Variants in KLF12 observed in about 807,000 individuals in gnomAD.
KLF12 encodes Krueppel-like factor 12.
Under a neutral mutation model 37.8 loss-of-function variants are expected in KLF12, and 9 were observed. The observed-to-expected ratio is 0.24, with a 90% confidence interval of 0.14 to 0.42. The LOEUF (loss-of-function observed/expected upper bound fraction) is 0.42. Ranked by LOEUF, KLF12 falls within the 10% of genes least tolerant of loss-of-function variation. The pLI is 1.00. For missense variants in KLF12, 411 were observed against 516.0 expected, an observed-to-expected ratio of 0.80 and a Z score of 1.97; for synonymous variants, 208 against 202.1, an observed-to-expected ratio of 1.03 and a Z score of -0.25.
chr13:73,952,496 C>T (rs1474181307), intron 2 of KLF12, among the ~76,000 whole-genome samples: 1 of 152,188 alleles, frequency 6.6e-6, no homozygotes, highest in African/African-American at 2.4e-5. Context: ...CCAATCACCT[C>T]CCATCAGGCC....
chr13:74,246,118 T>C, the KLF12 span, among the ~76,000 whole-genome samples: 1 of 152,156 alleles, frequency 6.6e-6, no homozygotes, highest in Non-Finnish European at 1.5e-5. Flanking sequence ...TCAACATCAT[T>C]CCTAGAACTC....
chr13:73,980,371 A>C (rs1891659910), intron 2 of KLF12, among the ~76,000 whole-genome samples: 1 of 152,210 alleles, frequency 6.6e-6, no homozygotes, highest in African/African-American at 2.4e-5. Context: ...CATAGCTACC[A>C]AAACCCAGTC....
At chr13:73,710,468 C>A (rs763340558) in intron 7 of KLF12, among the ~76,000 whole-genome samples, 9 of 151,724 alleles carry the variant, frequency 5.9e-5, no homozygotes, top group Non-Finnish European at 1.2e-4. Flanking sequence ...AGTTTACTGG[C>A]GCCATTTTCC....
intron 3 of KLF12, among the ~76,000 whole-genome samples, chr13:73,904,294 T>C (rs1392604769): frequency 6.6e-6 from 1 of 152,192 alleles, no homozygotes; most frequent in African/African-American, 2.4e-5. Flanking sequence ...TTCTGGGATG[T>C]ATAGGTTGAT....
rs750839981 is a variant in KLF12, at chr13:73,715,482, G to A, written c.913C>T (p.Arg305Trp). ...TTTCTGGAGTCTGGGGATTCAGACC[G>A]TCTCTGGCGTCTTGTGCTCTCAATA... The change falls in exon 7 of 8, where the codon CGG (arginine) becomes TGG (tryptophan). Residue 305 changes from arginine (R) to tryptophan (W), a missense_variant. Coordinates refer to ENST00000377669, the MANE Select transcript of KLF12 (RefSeq NM_007249.5). The A allele has an allele frequency of 8.1e-6, 13 of 1,613,898 alleles. No individual in the cohort carries two copies. Among genetic ancestry groups the A allele is most frequent in the Middle Eastern group, 1.6e-4 (1 of 6,082 alleles).
In KLF12 at chr13:73,758,480, G is replaced by A. The variant is rs577401441; in HGVS notation, c.869+6458C>T. 1.5e-4 allele frequency among the ~76,000 whole-genome samples: 23 copies of A among 152,174 alleles called. 1 individual carries two copies. The South Asian group carries it at 3.3e-3, about 22-fold the overall frequency. On this transcript the variant is annotated intron_variant, in intron 6 of 7. Transcript: ENST00000377669. Reference sequence around the variant, plus strand: ...TCATGCTGTAATTAGTTAGTATGACGGAGATGTTTTATTACATGATAGCAC... The same window carrying A: ...TCATGCTGTAATTAGTTAGTATGACAGAGATGTTTTATTACATGATAGCAC...
the KLF12 span, among the ~76,000 whole-genome samples, chr13:74,219,373 A>G: frequency 6.6e-6 from 1 of 152,236 alleles, no homozygotes. Context: ...CCATGTGAGT[A>G]TAAAAGACCT....
At chr13:73,947,676 C>T (rs1421139992) in intron 2 of KLF12, among the ~76,000 whole-genome samples, 1 of 138,358 alleles carries the variant, frequency 7.2e-6, no homozygotes, top group African/African-American at 2.7e-5. Context: ...AAAGAGTTGG[C>T]AACACAGTAG....
chr13:74,087,302 T>A lies in KLF12; in HGVS notation c.-32+46437A>T, dbSNP rs111695191. On this transcript the variant is annotated intron_variant, in intron 1 of 7. Coordinates refer to ENST00000377669, the MANE Select transcript of KLF12 (RefSeq NM_007249.5). ...GACACAGGTCCTCTGTCAGAAGTTA[T>A]ATAGGTCAGAGACAAGACAGAAGGG... Among the ~76,000 whole-genome samples the A allele has an allele frequency of 4.0e-3, 602 of 152,178 alleles. 7 individuals carry two copies. The highest frequency in any genetic ancestry group is 0.014 in the African/African-American group (585 of 41,498).
intron 3 of KLF12, among the ~76,000 whole-genome samples, chr13:73,915,544 G>A (rs184640889): frequency 6.6e-6 from 1 of 150,924 alleles, no homozygotes; most frequent in Non-Finnish European, 1.5e-5. Context: ...ATGGAGTCTC[G>A]CTCTGTCGCC....
rs561437265 is a variant in KLF12, at chr13:74,041,983, A to G, written c.-31-46930T>C. Among the ~76,000 whole-genome samples, 4 of 152,316 alleles carry G rather than the reference A, an allele frequency of 2.6e-5. No individual in the cohort carries two copies. In the East Asian group the frequency reaches 5.8e-4, roughly 22 times the overall value. ...TTGCTATTAACATTTTCTGTAATGT[A>G]TAGTTTAGTCATAACTTCAGTATGA... On this transcript the variant is annotated intron_variant, in intron 1 of 7. Transcript: ENST00000377669.
rs904559411 is a variant in KLF12, at chr13:73,973,087, T to C, written c.33+21903A>G. Among the ~76,000 whole-genome samples the C allele has an allele frequency of 2.6e-5, 4 of 152,074 alleles. No homozygotes were observed. The East Asian group carries it at 7.7e-4, about 29-fold the overall frequency. ...AACAGCAATATACAAAAAGCAGAAA[T>C]GTAAAACCCATTTAGCTTTCTGAAT... is the stretch of plus-strand genomic sequence containing the variant. On this transcript the variant is annotated intron_variant, in intron 2 of 7. Transcript: ENST00000377669.
At chr13:74,006,692 G>T (rs1458161013) in intron 1 of KLF12, among the ~76,000 whole-genome samples, 2 of 152,134 alleles carry the variant, frequency 1.3e-5, no homozygotes, top group East Asian at 3.9e-4. Context: ...TCAGTCAGAA[G>T]TCATCAGCAA....
At chr13:74,240,636 CT>C in the KLF12 span, among the ~76,000 whole-genome samples, 2 of 97,844 alleles carry the variant, frequency 2.0e-5, no homozygotes, top group Non-Finnish European at 4.0e-5. Flanking sequence ...GGAGGCTTTG[CT>C]CGTTTCTTTT....
At chr13:73,885,562 G>C (rs1381137790) in intron 3 of KLF12, among the ~76,000 whole-genome samples, 2 of 152,134 alleles carry the variant, frequency 1.3e-5, no homozygotes, top group African/African-American at 2.4e-5. Flanking sequence ...TTTAAAACAG[G>C]TGGTCACACA....
intron 2 of KLF12, among the ~76,000 whole-genome samples, chr13:73,963,993 A>T (rs1032090575): frequency 3.3e-5 from 5 of 152,234 alleles, no homozygotes; most frequent in Non-Finnish European, 5.9e-5. Context: ...AAGCAAGAAC[A>T]GTCTCTGAGG....
intron 1 of KLF12, among the ~76,000 whole-genome samples, chr13:74,100,190 G>C (rs1876245550): frequency 6.6e-6 from 1 of 152,184 alleles, no homozygotes; most frequent in Non-Finnish European, 1.5e-5. Flanking sequence ...AAATAAATAT[G>C]TTGAGGATAA....
chr13:74,110,573 C>A (rs1377837343), intron 1 of KLF12, among the ~76,000 whole-genome samples: 2 of 152,098 alleles, frequency 1.3e-5, no homozygotes, highest in Non-Finnish European at 2.9e-5. Context: ...CCAACAAATG[C>A]AAAACAGGTA....
rs747411673 is a variant in KLF12 at position 73,695,559 on chromosome 13, C to G, written c.1140G>C (p.Ala380=). The change falls in exon 8 of 8, where the codon GCG becomes GCC. Residue 380 remains alanine (A), a synonymous_variant. Coordinates refer to ENST00000377669, the MANE Select transcript of KLF12 (RefSeq NM_007249.5). Reference sequence around the variant, plus strand: ...ACCGGGAAAAGCTGCGATCACAGTCCGCGCACTTGAATGGCTTCACTCCCG... The same window carrying G: ...ACCGGGAAAAGCTGCGATCACAGTCGGCGCACTTGAATGGCTTCACTCCCG... 5.6e-6 allele frequency: 9 copies of G among 1,614,068 alleles called. No homozygotes were observed. The highest frequency in any genetic ancestry group is 7.6e-6 in the Non-Finnish European group (9 of 1,179,962).
Sources: allele counts gnomAD v4.1 joint callset (sites outside exome capture counted in the v4.1 genomes callset), GRCh38; gene constraint gnomAD v4.1.1; transcripts MANE v1.5; gene names NCBI Gene and HGNC (gene_info 2026-07-23, HGNC 2026-07-21).